ITGB5: variants seen among roughly 807,000 people sequenced by gnomAD.
The protein encoded by ITGB5 is integrin subunit beta 5.
A neutral mutation model predicts 84.8 loss-of-function variants in ITGB5; 38 were observed. The ratio of observed to expected loss-of-function variants is 0.45; its 90% confidence interval spans 0.35 to 0.59. ITGB5 has a LOEUF of 0.59. Ranked by LOEUF, ITGB5 falls within the 20% of genes least tolerant of loss-of-function variation. The probability of loss-of-function intolerance (pLI) is 0.01; values close to 1 mark genes in which losing one functional copy is unlikely to be tolerated. For missense variants in ITGB5, 905 were observed against 1,034.5 expected (o/e 0.87, Z 1.72); for synonymous variants, 393 against 414.4 (o/e 0.95, Z 0.63).
chr3:124,817,520 G>C (rs919510765), intron 8 of ITGB5, 101 bp downstream of exon 8: 6 of 622,608 alleles, frequency 9.6e-6, no homozygotes, highest in Non-Finnish European at 1.7e-5. Context: ...GCCAAGAAGA[G>C]CAGCACGGAG....
At chr3:124,805,092 TTC>T (rs533399464) in intron 9 of ITGB5, among the ~76,000 whole-genome samples, 2 of 145,658 alleles carry the variant, frequency 1.4e-5, no homozygotes, top group Non-Finnish European at 3.0e-5. Flanking sequence ...GTTTCTTTCT[TTC>T]TCTCTCTCTC....
chr3:124,839,513 T>C (rs986998270), intron 5 of ITGB5, among the ~76,000 whole-genome samples: 3 of 152,162 alleles, frequency 2.0e-5, no homozygotes, highest in African/African-American at 7.2e-5. Context: ...AGGCCTGTAA[T>C]TGGGTTCTTT....
chr3:124,857,950 A>G (rs1207355794), intron 3 of ITGB5, among the ~76,000 whole-genome samples: 1 of 152,094 alleles, frequency 6.6e-6, no homozygotes, highest in African/African-American at 2.4e-5. Context: ...CCTGGCCAAC[A>G]TGGTGAAACC....
intron 4 of ITGB5, among the ~76,000 whole-genome samples, chr3:124,844,228 A>AAG (rs2065047707): frequency 2.3e-5 from 3 of 130,672 alleles, no homozygotes; most frequent in South Asian, 2.3e-4. Flanking sequence ...AAAAAAAAAA[A>AAG]AAAAGAAAAC....
intron 10 of ITGB5, chr3:124,791,080 C>A (rs890973497): frequency 6.6e-6 from 1 of 152,278 alleles, no homozygotes; most frequent in South Asian, 2.1e-4. Flanking sequence ...AGAAAATGCA[C>A]CGTTTGGACA....
chr3:124,767,463 GA>G (rs2063783395), intron 12 of ITGB5, among the ~76,000 whole-genome samples: 1 of 152,198 alleles, frequency 6.6e-6, no homozygotes, highest in Non-Finnish European at 1.5e-5. Flanking sequence ...TGCTCTCTCA[GA>G]GGACTGGGTT....
intron 5 of ITGB5, among the ~76,000 whole-genome samples, chr3:124,825,305 T>C (rs2107568006): frequency 6.6e-6 from 1 of 152,328 alleles, no homozygotes; most frequent in South Asian, 2.1e-4. Context: ...CTTACAAAGT[T>C]ACATATACAC....
At chr3:124,765,072 A>G (rs1559918791) in intron 13 of ITGB5, among the ~76,000 whole-genome samples, 1 of 152,226 alleles carries the variant, frequency 6.6e-6, no homozygotes, top group Non-Finnish European at 1.5e-5. Flanking sequence ...ACAGGCGTGC[A>G]TCCTAGGCTG....
chr3:124,892,527 TAAA>T (rs34284622), upstream of ITGB5, among the ~76,000 whole-genome samples: 2,835 of 106,202 alleles, frequency 0.027, 46 homozygotes, highest in Non-Finnish European at 0.038. Flanking sequence ...CCATCTCTAT[TAAA>T]AAAAAAAAAA....
intron 1 of ITGB5, among the ~76,000 whole-genome samples, chr3:124,879,721 C>T (rs994296943): frequency 9.9e-5 from 15 of 152,170 alleles, no homozygotes; most frequent in Non-Finnish European, 1.0e-4. Flanking sequence ...TACCCCAATA[C>T]ATCGCTAAGT....
intron 3 of ITGB5, among the ~76,000 whole-genome samples, chr3:124,854,286 A>G (rs1223173164): frequency 1.3e-5 from 2 of 152,232 alleles, no homozygotes; most frequent in African/African-American, 4.8e-5. Flanking sequence ...TCATAGCAGC[A>G]TTAGTCATAA....
At chr3:124,854,392 T>C (rs913168130) in intron 3 of ITGB5, among the ~76,000 whole-genome samples, 7 of 152,166 alleles carry the variant, frequency 4.6e-5, no homozygotes, top group African/African-American at 1.7e-4. Flanking sequence ...AACTAAAATA[T>C]AGTATATCTA....
intron 1 of ITGB5, among the ~76,000 whole-genome samples, chr3:124,882,760 C>T (rs1934631196): frequency 1.3e-5 from 2 of 152,160 alleles, no homozygotes; most frequent in African/African-American, 2.4e-5. Context: ...CCCAGCTCTA[C>T]AAGAGACAAC....
At chr3:124,775,589 C>G (rs62265636) in intron 10 of ITGB5, among the ~76,000 whole-genome samples, 1 of 152,068 alleles carries the variant, frequency 6.6e-6, no homozygotes, top group Non-Finnish European at 1.5e-5. Flanking sequence ...ATTTTTTTCC[C>G]TAATGCCATT....
intron 5 of ITGB5, among the ~76,000 whole-genome samples, chr3:124,836,213 T>A (rs112046971): frequency 1.4e-5 from 2 of 147,830 alleles, no homozygotes; most frequent in Non-Finnish European, 3.0e-5. Context: ...AATGTATTAT[T>A]AAAAAAAAAA....
chr3:124,795,971 G>A (rs1431172170), intron 10 of ITGB5, among the ~76,000 whole-genome samples: 2 of 152,220 alleles, frequency 1.3e-5, no homozygotes, highest in African/African-American at 2.4e-5. Context: ...CAGGTTTGTG[G>A]TGAGTTATGG....
At chr3:124,778,993 G>C (rs2063964061) in intron 10 of ITGB5, among the ~76,000 whole-genome samples, 1 of 152,166 alleles carries the variant, frequency 6.6e-6, no homozygotes, top group East Asian at 1.9e-4. Flanking sequence ...AAACTTCTCT[G>C]ATGATCCGTT....
chr3:124,826,436 T>G (rs1221660528), intron 5 of ITGB5, among the ~76,000 whole-genome samples: 2 of 152,222 alleles, frequency 1.3e-5, no homozygotes, highest in Non-Finnish European at 2.9e-5. Flanking sequence ...CCTCAAAAGC[T>G]TTTTTCTTAT....
chr3:124,771,720 C>T (rs1326646789), intron 11 of ITGB5, among the ~76,000 whole-genome samples: 1 of 136,490 alleles, frequency 7.3e-6, no homozygotes, highest in Admixed American at 8.4e-5. Context: ...TGCACTCCAG[C>T]CTGGGTGGCG....
Sources: gnomAD v4.1 joint callset for allele counts (sites outside exome capture counted in the v4.1 genomes callset) on GRCh38, gnomAD v4.1.1 for gene constraint, MANE v1.5 for transcripts, NCBI Gene and HGNC (gene_info 2026-07-23, HGNC 2026-07-21) for gene names.